ATG16L1: variants seen among roughly 807,000 people sequenced by gnomAD.
ATG16L1 encodes autophagy related 16 like 1, also known as autophagy-related protein 16-1.
In ATG16L1, 37 loss-of-function variants were observed where a neutral mutation model predicts 88.5. The ratio of observed to expected loss-of-function variants is 0.42; its 90% CI spans 0.32 to 0.55. The LOEUF is 0.55. Among genes scored for constraint, ATG16L1 ranks in the 20% least tolerant of loss-of-function variants. ATG16L1 has a pLI of 0.13. For synonymous variants in ATG16L1, 301 were observed against 281.0 expected (o/e 1.07, Z -0.71); for missense variants, 554 against 752.8 (o/e 0.74, Z 3.09).
intron 11 of ATG16L1, among the ~76,000 whole-genome samples, chr2:233,281,753 T>C (rs1025210064): frequency 6.6e-6 from 1 of 152,142 alleles, no homozygotes; most frequent in African/African-American, 2.4e-5. Flanking sequence ...AGGTGATGAC[T>C]GGGTGAGGCC....
At position 233,289,761 on chromosome 2, in the gene ATG16L1, C is replaced by G. The variant is rs1412439402; in HGVS notation, c.1204-93C>G. The G allele has an allele frequency of 4.7e-5, 73 of 1,543,036 alleles. No homozygotes were observed. The Middle Eastern group carries it at 1.9e-3, about 40-fold the overall frequency. On this transcript the variant is annotated intron_variant, in intron 12 of 17. Coordinates refer to ENST00000392017, the MANE Select transcript of ATG16L1 (RefSeq NM_030803.7). ...CCGGATCTCAGGGTGGTCTGACACT[C>G]TGACTCTGGAGGTAAGGATGCTGTG...
chr2:233,286,621 C>CATTTTT (rs34087184), intron 12 of ATG16L1, among the ~76,000 whole-genome samples: 10 of 93,288 alleles, frequency 1.1e-4, no homozygotes, highest in Admixed American at 2.4e-4. Context: ...GAAGCCCAAA[C>CATTTTT]TTTTTTTTTT....
chr2:233,274,161 T>C, intron 8 of ATG16L1: 1 of 1,122,938 alleles, frequency 8.9e-7, no homozygotes. Flanking sequence ...ATGCTTTGCA[T>C]GTTCCTAGGA....
At chr2:233,256,440 G>A (rs371970672) in intron 2 of ATG16L1, among the ~76,000 whole-genome samples, 4 of 152,160 alleles carry the variant, frequency 2.6e-5, no homozygotes, top group African/African-American at 7.2e-5. Context: ...GCAGGTTCAC[G>A]TGGTAACCCT....
Position 233,294,376 on chromosome 2 carries a change from C to T in ATG16L1, c.*26C>T. On this transcript the variant is annotated 3_prime_UTR_variant, in exon 18 of 18. Coordinates refer to ENST00000392017, the MANE Select transcript of ATG16L1 (RefSeq NM_030803.7). ...CGGGGCTCTCAGGGCTGGGAGGACC[C>T]CAGTGCCCTCCTCAGAAGAAGCACA... The T allele has an allele frequency of 6.3e-7, 1 of 1,585,786 alleles. No individual in the cohort carries two copies. Among genetic ancestry groups the T allele is most frequent in the Middle Eastern group, 1.7e-4 (1 of 5,996 alleles).
intron 5 of ATG16L1, among the ~76,000 whole-genome samples, chr2:233,267,671 G>C (rs1024206951): frequency 1.3e-5 from 2 of 152,218 alleles, no homozygotes; most frequent in African/African-American, 4.8e-5. Flanking sequence ...CATGGAGCTT[G>C]ACAGCAGTGT....
chr2:233,289,408 T>TGA (rs1553609005), intron 12 of ATG16L1, among the ~76,000 whole-genome samples: 5 of 149,654 alleles, frequency 3.3e-5, no homozygotes, highest in Admixed American at 1.3e-4. Flanking sequence ...TGTGTGTGTG[T>TGA]GACAGGATCT....
chr2:233,251,972 G>T, intron 1 of ATG16L1, 30 bp downstream of exon 1: 2 of 1,496,302 alleles, frequency 1.3e-6, no homozygotes, highest in Non-Finnish European at 1.8e-6. Context: ...GCTGGGAGTG[G>T]GGCGGGCGGG....
intron 10 of ATG16L1, among the ~76,000 whole-genome samples, chr2:233,280,530 A>G (rs1027574974): frequency 1.3e-5 from 2 of 152,200 alleles, no homozygotes; most frequent in African/African-American, 4.8e-5. Flanking sequence ...TCATGGAGAT[A>G]AAGTATGAGG....
At chr2:233,292,491 C>T in intron 16 of ATG16L1, 57 bp downstream of exon 16, 10 of 1,605,802 alleles carry the variant, frequency 6.2e-6, no homozygotes, top group Non-Finnish European at 8.5e-6. Context: ...CCTGCATGGG[C>T]ATTTTCCCAC....
At chr2:233,266,222 CGGA>C (rs760515841) in intron 5 of ATG16L1, 1 of 151,684 alleles carries the variant, frequency 6.6e-6, no homozygotes, top group South Asian at 2.0e-4. Flanking sequence ...GAGGCGGAGG[CGGA>C]GGCGGGAGGA....
intron 6 of ATG16L1, 68 bp downstream of exon 6, chr2:233,270,135 A>ATTTT: frequency 8.4e-7 from 1 of 1,195,366 alleles, no homozygotes; most frequent in Non-Finnish European, 1.1e-6. Flanking sequence ...TTTTGTTTTT[A>ATTTT]TTTTTTTTTT....
intron 12 of ATG16L1, among the ~76,000 whole-genome samples, chr2:233,284,500 T>G (rs1698945828): frequency 6.6e-6 from 1 of 151,866 alleles, no homozygotes; most frequent in Admixed American, 6.6e-5. Flanking sequence ...CCTGGCTAAT[T>G]TTTTTGTATT....
Position 233,287,618 on chromosome 2 carries a change from C to T in ATG16L1, c.1204-2236C>T, listed in dbSNP as rs553926880. The stretch of plus-strand genomic sequence containing the variant: ...TAAGGCCGGGCACAGTGGTTCATGC[C>T]TGTAATCTTAGCACTTTGGGAAGCC... On this transcript the variant is annotated intron_variant, in intron 12 of 17. Coordinates refer to ENST00000392017, the MANE Select transcript of ATG16L1 (RefSeq NM_030803.7). Among the ~76,000 whole-genome samples the T allele has an allele frequency of 5.3e-5, 8 of 152,312 alleles. No individual in the cohort carries two copies. The East Asian group carries it at 1.4e-3, about 26-fold the overall frequency.
intron 3 of ATG16L1, among the ~76,000 whole-genome samples, 168 bp downstream of exon 3, chr2:233,263,403 C>A (rs1452161062): frequency 6.6e-6 from 1 of 152,126 alleles, no homozygotes; most frequent in Non-Finnish European, 1.5e-5. Flanking sequence ...AATGAAAAGA[C>A]CAGGCAGATT....
chr2:233,259,773 C>T (rs1697073793), intron 2 of ATG16L1, among the ~76,000 whole-genome samples: 1 of 152,136 alleles, frequency 6.6e-6, no homozygotes, highest in African/African-American at 2.4e-5. Context: ...CTCCATATTC[C>T]TTTATTCCTC....
At chr2:233,277,127 G>A (rs935697046) in intron 9 of ATG16L1, 4 of 155,240 alleles carry the variant, frequency 2.6e-5, no homozygotes, top group African/African-American at 9.7e-5. Flanking sequence ...TATTATGAGA[G>A]GCCATGTGCT....
Position 233,290,281 on chromosome 2 carries a change from A to G in ATG16L1, c.1358A>G (p.Asn453Ser), listed in dbSNP as rs769365805. The G allele has an allele frequency of 6.2e-6, 10 of 1,614,172 alleles. No homozygotes were observed. The highest frequency in any genetic ancestry group is 2.2e-5 in the East Asian group (1 of 44,880). The part of the protein sequence containing the change: ...IKTVFAGSSC[N>S]DIVCTEQCVM... ...ACAGTGTTTGCAGGATCCAGTTGCA[A>G]TGATATTGTCTGCACAGAGCAATGT... The change falls in exon 14 of 18, where the codon AAT becomes AGT. Residue 453 changes from asparagine to serine, a missense_variant. This residue lies in a region of ATG16L1 where 370 missense variants were observed against 509.7 expected (regional missense o/e 0.73). Transcript: ENST00000392017.
At chr2:233,293,052 C>T (rs1173612818) in intron 16 of ATG16L1, among the ~76,000 whole-genome samples, 1 of 152,208 alleles carries the variant, frequency 6.6e-6, no homozygotes, top group Non-Finnish European at 1.5e-5. Context: ...TGTGATGCCA[C>T]TGTTCATTAG....
Sources: gnomAD v4.1 joint callset for allele counts (sites outside exome capture counted in the v4.1 genomes callset) on GRCh38, gnomAD v4.1.1 for gene constraint, gnomAD v4.1.1 regional missense constraint, MANE v1.5 for transcripts, NCBI Gene and HGNC (gene_info 2026-07-23, HGNC 2026-07-21) for gene names.